The following CACNA2D1 variants were observed in gnomAD, a reference collection of about 807,000 sequenced individuals.
The protein encoded by CACNA2D1 is voltage-dependent calcium channel subunit alpha-2/delta-1.
CACNA2D1 carries 53 observed loss-of-function variants against 171.5 expected under a neutral mutation model. The ratio of observed to expected loss-of-function variants is 0.31; its 90% CI spans 0.25 to 0.39. CACNA2D1 has a LOEUF of 0.39. Among genes scored for constraint, CACNA2D1 ranks in the 10% least tolerant of loss-of-function variants. CACNA2D1 has a pLI of 1.00. For missense variants in CACNA2D1, 903 were observed against 1,299.8 expected (o/e 0.69, Z 4.69); for synonymous variants, 442 against 443.1 (o/e 1.00, Z 0.03).
chr7:82,096,129 C>T (rs12113057), intron 6 of CACNA2D1, among the ~76,000 whole-genome samples: 2,767 of 152,216 alleles, frequency 0.018, 77 homozygotes, highest in African/African-American at 0.061. Context: ...CTCTTGAGCA[C>T]GAGAATAGGC....
intron 1 of CACNA2D1, among the ~76,000 whole-genome samples, chr7:82,369,468 A>G (rs952944314): frequency 3.3e-5 from 5 of 151,904 alleles, no homozygotes; most frequent in Middle Eastern, 3.2e-3. Flanking sequence ...AGTAAATATT[A>G]ATGGATGATA....
chr7:81,989,232 C>T (rs1175815612), intron 21 of CACNA2D1, among the ~76,000 whole-genome samples: 2 of 152,174 alleles, frequency 1.3e-5, no homozygotes, highest in African/African-American at 4.8e-5. Context: ...ATTCACAGAG[C>T]TGACGGTCAG....
At chr7:82,303,219 T>A (rs533898459) in intron 3 of CACNA2D1, among the ~76,000 whole-genome samples, 15 of 152,108 alleles carry the variant, frequency 9.9e-5, no homozygotes, top group East Asian at 5.8e-4. Context: ...GGATGGTCTC[T>A]ATCTCCTGAC....
At chr7:82,267,830 T>G (rs1466099175) in intron 3 of CACNA2D1, among the ~76,000 whole-genome samples, 2 of 151,984 alleles carry the variant, frequency 1.3e-5, no homozygotes, top group Non-Finnish European at 2.9e-5. Flanking sequence ...CCGTCTCTAC[T>G]AAAAATACAA....
intron 1 of CACNA2D1, among the ~76,000 whole-genome samples, chr7:82,378,839 G>T: frequency 6.6e-6 from 1 of 152,104 alleles, no homozygotes; most frequent in South Asian, 2.1e-4. Flanking sequence ...TTGTCAGGAT[G>T]GCAATTTCAT....
intron 3 of CACNA2D1, among the ~76,000 whole-genome samples, chr7:82,195,502 C>T (rs1045536518): frequency 1.3e-5 from 2 of 151,874 alleles, no homozygotes; most frequent in South Asian, 2.1e-4. Context: ...GTTTAAAGAT[C>T]GTGCTTACTA....
At chr7:81,963,608 T>C (rs908509911) in intron 34 of CACNA2D1, among the ~76,000 whole-genome samples, 1 of 151,936 alleles carries the variant, frequency 6.6e-6, no homozygotes, top group Non-Finnish European at 1.5e-5. Flanking sequence ...CCTAAAACAA[T>C]ACTAGTCCTT....
rs1282529894 is a variant in CACNA2D1 at position 82,060,467 on chromosome 7, T to C, written c.840A>G (p.Leu280=). The C allele has an allele frequency of 6.2e-7, 1 of 1,610,080 alleles. No individual in the cohort carries two copies. Among genetic ancestry groups the C allele is most frequent in the East Asian group, 2.2e-5 (1 of 44,506 alleles). ...CGAAATCATCATCTGAGAGGGTTTC[T>C]AACATTTCGGAGACAGATGTTCGGA... ...KLIRTSVSEM[L]ETLSDDDFVN... is the part of the protein sequence containing the mutation. Residue 280 remains leucine, a synonymous_variant, in exon 10 of 39, where the codon TTA becomes TTG. Coordinates refer to ENST00000356860, the MANE Select transcript of CACNA2D1 (RefSeq NM_000722.4).
chr7:82,132,826 C>G (rs1791153661), intron 5 of CACNA2D1, among the ~76,000 whole-genome samples: 1 of 152,120 alleles, frequency 6.6e-6, no homozygotes, highest in African/African-American at 2.4e-5. Context: ...TGTTTTGATT[C>G]AAGGTTTAAG....
At chr7:82,439,467 C>T (rs1040462574) in intron 1 of CACNA2D1, among the ~76,000 whole-genome samples, 2 of 151,714 alleles carry the variant, frequency 1.3e-5, no homozygotes, top group Non-Finnish European at 3.0e-5. Context: ...GAACCACCTA[C>T]TTTATATTCA....
At chr7:82,061,193 C>G (rs989441742) in intron 9 of CACNA2D1, among the ~76,000 whole-genome samples, 12 of 152,148 alleles carry the variant, frequency 7.9e-5, no homozygotes, top group Admixed American at 5.9e-4. Flanking sequence ...TGACACATTA[C>G]TTCCAAACAT....
At chr7:82,067,635 A>C (rs1807815283) in intron 7 of CACNA2D1, among the ~76,000 whole-genome samples, 1 of 152,226 alleles carries the variant, frequency 6.6e-6, no homozygotes, top group South Asian at 2.1e-4. Context: ...CATTATTGAC[A>C]CAATCAATGT....
intron 3 of CACNA2D1, among the ~76,000 whole-genome samples, chr7:82,228,474 T>C (rs1048421738): frequency 1.3e-5 from 2 of 152,196 alleles, no homozygotes; most frequent in African/African-American, 2.4e-5. Flanking sequence ...AAATGCATGG[T>C]AATTCAATCC....
chr7:82,339,424 C>G (rs1818356015), intron 2 of CACNA2D1, among the ~76,000 whole-genome samples: 1 of 152,172 alleles, frequency 6.6e-6, no homozygotes. Context: ...CCACAGCCAT[C>G]TTTCTGAGGG....
At chr7:82,049,420 G>A (rs1804947470) in intron 10 of CACNA2D1, among the ~76,000 whole-genome samples, 1 of 152,036 alleles carries the variant, frequency 6.6e-6, no homozygotes, top group Non-Finnish European at 1.5e-5. Flanking sequence ...AACATCCATA[G>A]TATTAAGAAT....
chr7:82,419,328 T>A (rs1022021222), intron 1 of CACNA2D1, among the ~76,000 whole-genome samples: 1 of 152,184 alleles, frequency 6.6e-6, no homozygotes, highest in Non-Finnish European at 1.5e-5. Context: ...TGTGTCCATG[T>A]TAATTACAGC....
At chr7:82,339,841 A>G (rs928666896) in intron 2 of CACNA2D1, among the ~76,000 whole-genome samples, 1 of 152,214 alleles carries the variant, frequency 6.6e-6, no homozygotes, top group African/African-American at 2.4e-5. Context: ...ATGTTGTTAC[A>G]TAGCAAAAGG....
At position 82,241,674 on chromosome 7, in the gene CACNA2D1, T is replaced by C. The variant is rs73705893; in HGVS notation, c.295-71065A>G. ...AGGGGGGAGGAAGAGAAAGACAGTA[T>C]GTATATGTTTAAGGATGCATGGAAG... On this transcript the variant is annotated intron_variant, in intron 3 of 38. Transcript: ENST00000356860. 7.4e-3 allele frequency among the ~76,000 whole-genome samples: 1,127 copies of C among 151,760 alleles called. 9 individuals carry two copies. Among genetic ancestry groups the C allele is most frequent in the African/African-American group, 0.025 (1,032 of 41,386 alleles).
intron 3 of CACNA2D1, among the ~76,000 whole-genome samples, chr7:82,274,085 C>G (rs932118952): frequency 3.3e-5 from 5 of 152,104 alleles, no homozygotes; most frequent in African/African-American, 9.7e-5. Context: ...TAAGCTCCAA[C>G]CACAGTGACC....
Sources: gnomAD v4.1 joint callset for allele counts (sites outside exome capture counted in the v4.1 genomes callset) on GRCh38, gnomAD v4.1.1 for gene constraint, MANE v1.5 for transcripts, NCBI Gene and HGNC (gene_info 2026-07-23, HGNC 2026-07-21) for gene names.